PKIB: variants seen among roughly 807,000 people sequenced by gnomAD.
PKIB encodes the protein PKI-beta.
In PKIB, 2 loss-of-function variants were observed where a neutral mutation model predicts 4.5. The ratio of observed to expected loss-of-function variants is 0.44; its 90% CI spans 0.18 to 1.39. The LOEUF (loss-of-function observed/expected upper bound fraction) is 1.39. Ranked by LOEUF, PKIB falls within the 40% of genes most tolerant of loss-of-function variation. The probability of loss-of-function intolerance (pLI) is 0.27; values close to 1 mark genes in which losing one functional copy is unlikely to be tolerated. For missense variants in PKIB, 94 were observed against 92.6 expected (o/e 1.02, Z -0.06); for synonymous variants, 38 against 36.0 (o/e 1.06, Z -0.20).
chr6:122,471,955 C>T (rs572949011), exon 1 of PKIB: 4 of 1,109,466 alleles, frequency 3.6e-6, no homozygotes, highest in South Asian at 3.6e-5. Context: ...CGGCTGTCTT[C>T]TTTCCTGGAG....
intron 2 of PKIB, among the ~76,000 whole-genome samples, chr6:122,637,802 A>C (rs1221149407): frequency 6.6e-6 from 1 of 151,946 alleles, no homozygotes; most frequent in African/African-American, 2.4e-5. Context: ...AATAAAGATG[A>C]AGTTCTAGTA....
Position 122,547,392 on chromosome 6 carries a change from A to G in PKIB, c.-247-38529A>G, listed in dbSNP as rs562899157. Among the ~76,000 whole-genome samples, 94 of 152,002 alleles carry G rather than the reference A, an allele frequency of 6.2e-4. No individual in the cohort carries two copies. In the South Asian group the frequency reaches 0.019, roughly 30 times the overall value. ...CTCTTGTTGCCCAGGCTGGAGTGCA[A>G]TGGCACGATCTCAGCTCACTGCAAC... is the stretch of plus-strand genomic sequence containing the variant. On this transcript the variant is annotated intron_variant, in intron 2 of 6. Transcript: ENST00000392491.
intron 2 of PKIB, among the ~76,000 whole-genome samples, chr6:122,582,940 A>G (rs369758381): frequency 1.6e-4 from 25 of 152,044 alleles, no homozygotes; most frequent in African/African-American, 6.0e-4. Context: ...TGCAAGTTGT[A>G]TCATATTTTC....
chr6:122,717,501 C>G (rs576865231), intron 3 of PKIB: 2 of 414,764 alleles, frequency 4.8e-6, no homozygotes, highest in Non-Finnish European at 8.5e-6. Flanking sequence ...CACAGAAAAG[C>G]AGAACAAAAG....
In PKIB at chr6:122,483,303, G is replaced by A. The variant is rs533855125; in HGVS notation, c.-248+5364G>A. ...TTTATATCAATTTTTGATTATGGGA[G>A]AGTAATAATCCTTTATTACAAGTTG... On this transcript the variant is annotated intron_variant, in intron 2 of 6. Transcript: ENST00000392491. 9 of 152,168 alleles carry A rather than the reference G, an allele frequency of 5.9e-5. No homozygotes were observed. In the South Asian group the frequency reaches 1.9e-3, roughly 32 times the overall value. The allele number at this position is 152,168 out of a possible 1,614,324, so 9.4% of individuals were successfully genotyped here. A position where few individuals can be genotyped will look rare whatever the true frequency, so the allele number is the denominator to read the frequency against.
chr6:122,572,647 T>C (rs1241435334), intron 2 of PKIB, among the ~76,000 whole-genome samples: 1 of 134,136 alleles, frequency 7.5e-6, no homozygotes, highest in Non-Finnish European at 1.6e-5. Flanking sequence ...CTAAATGAAA[T>C]TGAAACAAAA....
Position 122,663,293 on chromosome 6 carries a change from T to C in PKIB, c.-75-11785T>C, listed in dbSNP as rs183689999. Among the ~76,000 whole-genome samples, 4 of 152,298 alleles carry C rather than the reference T, an allele frequency of 2.6e-5. No individual in the cohort carries two copies. In the East Asian group the frequency reaches 7.7e-4, roughly 29 times the overall value. ...GGCTACACATTTAGGGATGCTCTAA[T>C]TTAAAAAAGATGAATCCGAGAAAAT... On this transcript the variant is annotated intron_variant, in intron 2 of 4. Transcript: ENST00000368452.
chr6:122,616,515 G>GTT (rs745870561), intron 1 of PKIB, among the ~76,000 whole-genome samples: 2 of 152,138 alleles, frequency 1.3e-5, no homozygotes, highest in Non-Finnish European at 2.9e-5. Flanking sequence ...ATTAATTTTT[G>GTT]TTTAATATTT....
chr6:122,541,558 A>G (rs574840577), intron 2 of PKIB, among the ~76,000 whole-genome samples: 38 of 152,116 alleles, frequency 2.5e-4, no homozygotes, highest in Non-Finnish European at 2.9e-4. Flanking sequence ...ATCCGCTGTT[A>G]ATCTGATGGG....
At chr6:122,579,227 T>C (rs1193719132) in intron 2 of PKIB, among the ~76,000 whole-genome samples, 1 of 152,200 alleles carries the variant, frequency 6.6e-6, no homozygotes, top group Non-Finnish European at 1.5e-5. Context: ...TATAGTCTTC[T>C]TACATTCTAA....
chr6:122,497,923 T>G (rs751809926), intron 2 of PKIB, among the ~76,000 whole-genome samples: 6 of 152,174 alleles, frequency 3.9e-5, no homozygotes, highest in Non-Finnish European at 2.9e-5. Context: ...ATTCTTCTTA[T>G]CTGCACATGA....
intron 2 of PKIB, among the ~76,000 whole-genome samples, chr6:122,524,823 C>A (rs1777051034): frequency 6.6e-6 from 1 of 151,286 alleles, no homozygotes; most frequent in African/African-American, 2.4e-5. Flanking sequence ...TTGTAATATC[C>A]CCTCTTTGTT....
At chr6:122,544,386 A>AG (rs1772418128) in intron 2 of PKIB, among the ~76,000 whole-genome samples, 1 of 151,280 alleles carries the variant, frequency 6.6e-6, no homozygotes, top group African/African-American at 2.4e-5. Flanking sequence ...TTAAAAATTA[A>AG]AAAAAAATTC....
chr6:122,495,101 C>G (rs2114545516), intron 2 of PKIB, among the ~76,000 whole-genome samples: 1 of 152,312 alleles, frequency 6.6e-6, no homozygotes, highest in East Asian at 1.9e-4. Flanking sequence ...GCTTGGGCTC[C>G]CAGCACAGTG....
chr6:122,581,489 A>G (rs1209696497), intron 2 of PKIB, among the ~76,000 whole-genome samples: 3 of 152,178 alleles, frequency 2.0e-5, no homozygotes, highest in Admixed American at 2.0e-4. Context: ...GAGCCTCACA[A>G]AGGACTTAAA....
intron 3 of PKIB, among the ~76,000 whole-genome samples, chr6:122,690,739 A>G (rs1052566750): frequency 2.0e-5 from 3 of 151,974 alleles, no homozygotes; most frequent in East Asian, 3.9e-4. Context: ...CTGCGTGCTT[A>G]TTAGTAACAG....
intron 2 of PKIB, among the ~76,000 whole-genome samples, chr6:122,546,582 CTA>C (rs1772500223): frequency 6.6e-6 from 1 of 152,050 alleles, no homozygotes; most frequent in Non-Finnish European, 1.5e-5. Flanking sequence ...TATATACAAA[CTA>C]TGTGGACATC....
intron 2 of PKIB, among the ~76,000 whole-genome samples, chr6:122,663,802 A>G (rs1169758483): frequency 6.6e-6 from 1 of 152,022 alleles, no homozygotes; most frequent in East Asian, 1.9e-4. Flanking sequence ...TCATATTCAC[A>G]TGTACTGGGG....
intron 2 of PKIB, among the ~76,000 whole-genome samples, chr6:122,525,059 ATT>A (rs34629407): frequency 1.2e-4 from 18 of 147,176 alleles, no homozygotes; most frequent in African/African-American, 4.5e-4. Flanking sequence ...TAGGTTGTTA[ATT>A]TTTTTTTTAA....
Sources: allele counts gnomAD v4.1 joint callset (sites outside exome capture counted in the v4.1 genomes callset), GRCh38; gene constraint gnomAD v4.1.1; transcripts MANE v1.5; gene names NCBI Gene and HGNC (gene_info 2026-07-23, HGNC 2026-07-21).